NLK: variants seen among roughly 807,000 people sequenced by gnomAD.
The protein encoded by NLK is nemo like kinase.
In NLK, 11 loss-of-function variants were observed where a neutral mutation model predicts 59.0. The ratio of observed to expected loss-of-function variants is 0.19; its 90% confidence interval spans 0.12 to 0.31. The LOEUF (loss-of-function observed/expected upper bound fraction) is 0.31, where lower values mean the gene tolerates loss of function less well. Among genes scored for constraint, NLK ranks in the 10% least tolerant of loss-of-function variants. The pLI is 1.00. For missense variants in NLK, 410 were observed against 661.1 expected, an observed-to-expected ratio of 0.62 and a Z score of 4.16; for synonymous variants, 235 against 235.9, an observed-to-expected ratio of 1.00 and a Z score of 0.03.
chr17:28,190,540 C>G (rs978399653), intron 8 of NLK, among the ~76,000 whole-genome samples: 43 of 152,190 alleles, frequency 2.8e-4, no homozygotes, highest in South Asian at 6.2e-4. Context: ...TGTCTGCTGC[C>G]TAACTCCAGC....
chr17:28,158,933 T>C (rs1907893837), intron 3 of NLK, among the ~76,000 whole-genome samples: 1 of 152,238 alleles, frequency 6.6e-6, no homozygotes, highest in African/African-American at 2.4e-5. Context: ...TTTTCAGCAC[T>C]GTTACAGTCT....
chr17:28,073,396 C>T lies in NLK; in HGVS notation c.458+30065C>T, dbSNP rs34496375. 9.5e-3 allele frequency among the ~76,000 whole-genome samples: 1,444 copies of T among 152,286 alleles called. 21 individuals are homozygous for T. The highest frequency in any genetic ancestry group is 0.034 in the African/African-American group (1,392 of 41,544). On this transcript the variant is annotated intron_variant, in intron 1 of 10. Coordinates refer to ENST00000407008, the MANE Select transcript of NLK (RefSeq NM_016231.5). ...GCCCATTAAAACCTAGGCTTTTGTC[C>T]ACCGAGGATTGGCCAGTAACTCCAG...
the NLK span, among the ~76,000 whole-genome samples, chr17:28,203,489 C>G: frequency 6.6e-6 from 1 of 152,150 alleles, no homozygotes; most frequent in African/African-American, 2.4e-5. Context: ...TAGACCTTCC[C>G]TTTCCACTCC....
chr17:28,175,551 T>G (rs1237131800), intron 7 of NLK, among the ~76,000 whole-genome samples: 1 of 152,176 alleles, frequency 6.6e-6, no homozygotes, highest in African/African-American at 2.4e-5. Context: ...TTCAGACAGA[T>G]TGAGTATGAA....
At chr17:28,162,025 T>A (rs1296368656) in intron 4 of NLK, among the ~76,000 whole-genome samples, 1 of 147,668 alleles carries the variant, frequency 6.8e-6, no homozygotes, top group African/African-American at 2.7e-5. Context: ...ACATAAGCAA[T>A]TTTTTTTTCA....
At position 28,064,174 on chromosome 17, in the gene NLK, CTTTTTT is replaced by C. The variant is rs66949112; in HGVS notation, c.458+20863_458+20868del. On this transcript the variant is annotated intron_variant, in intron 1 of 10. Transcript: ENST00000407008. ...TTAGAGTCATCTTTAAGTTAGCAAACTTTTTTTTTTTTTTTTTTTTTTTTTAAAGAG... is the reference window on the plus strand; with the variant it reads ...TTAGAGTCATCTTTAAGTTAGCAAACTTTTTTTTTTTTTTTTTTTAAAGAG... Among the ~76,000 whole-genome samples the C allele has an allele frequency of 6.1e-4, 61 of 99,628 alleles. 1 individual carries two copies. In the Admixed American group the frequency reaches 6.3e-3, roughly 10 times the overall value. 65.4% of individuals were successfully genotyped at this position (99,628 alleles called of 152,430 possible).
At chr17:28,136,024 A>G (rs1465970266) in intron 3 of NLK, among the ~76,000 whole-genome samples, 1 of 152,242 alleles carries the variant, frequency 6.6e-6, no homozygotes, top group African/African-American at 2.4e-5. Context: ...TGTTGGTAGC[A>G]AATTTCAACC....
At chr17:28,089,912 G>GAGGGTTT (rs1567710972) in intron 1 of NLK, among the ~76,000 whole-genome samples, 1 of 151,966 alleles carries the variant, frequency 6.6e-6, no homozygotes, top group African/African-American at 2.4e-5. Flanking sequence ...ATTGAGCTTT[G>GAGGGTTT]AGGGTTTTCT....
At chr17:28,161,531 G>A (rs1407281703) in intron 4 of NLK, among the ~76,000 whole-genome samples, 2 of 152,210 alleles carry the variant, frequency 1.3e-5, no homozygotes, top group East Asian at 1.9e-4. Context: ...AGGTGAATAA[G>A]CAGGATGGTT....
intron 1 of NLK, among the ~76,000 whole-genome samples, chr17:28,092,764 T>C (rs1399799171): frequency 7.3e-6 from 1 of 137,698 alleles, no homozygotes; most frequent in Non-Finnish European, 1.5e-5. Context: ...TTTATTTTAT[T>C]TTATTTTATT....
At chr17:28,174,376 T>A (rs1240431922) in intron 7 of NLK, among the ~76,000 whole-genome samples, 10 of 152,124 alleles carry the variant, frequency 6.6e-5, no homozygotes, top group Non-Finnish European at 1.5e-5. Context: ...TATCACTGAG[T>A]TTAGTGATGA....
At chr17:28,154,541 C>T (rs1907620196) in intron 3 of NLK, among the ~76,000 whole-genome samples, 1 of 152,042 alleles carries the variant, frequency 6.6e-6, no homozygotes, top group African/African-American at 2.4e-5. Context: ...TGTAAACATC[C>T]AGTGGCAGGA....
chr17:28,045,807 A>G (rs1909031218), intron 1 of NLK, among the ~76,000 whole-genome samples: 2 of 152,150 alleles, frequency 1.3e-5, no homozygotes, highest in South Asian at 4.1e-4. Context: ...GAGGTTTTTT[A>G]CTTTTTAACT....
chr17:28,077,073 C>CTTTTTTTTTT (rs35639099), intron 1 of NLK, among the ~76,000 whole-genome samples: 292 of 42,366 alleles, frequency 6.9e-3, no homozygotes, highest in East Asian at 0.013. Context: ...CTCTTTCTTT[C>CTTTTTTTTTT]TTTTTTTTTT....
chr17:28,188,976 C>T (rs1034125717), intron 8 of NLK, among the ~76,000 whole-genome samples: 3 of 142,780 alleles, frequency 2.1e-5, no homozygotes, highest in Admixed American at 1.4e-4. Flanking sequence ...CACAGACAAA[C>T]ACAGACACAC....
rs976609422 is a variant in NLK, at chr17:28,060,398, A to G, written c.458+17067A>G. On this transcript the variant is annotated intron_variant, in intron 1 of 10. Transcript: ENST00000407008. ...AGAGGATATTAGCAATATATGTGAA[A>G]AATAAAAGTTAATATCTTTAATATT... Among the ~76,000 whole-genome samples, 7 of 152,196 alleles carry G rather than the reference A, an allele frequency of 4.6e-5. No individual in the cohort carries two copies. The South Asian group carries it at 1.2e-3, about 27-fold the overall frequency.
intron 1 of NLK, among the ~76,000 whole-genome samples, chr17:28,051,451 C>G (rs936852207): frequency 6.6e-6 from 1 of 151,784 alleles, no homozygotes; most frequent in African/African-American, 2.4e-5. Flanking sequence ...CTCCACCTCC[C>G]AGGTTCAAGG....
intron 1 of NLK, among the ~76,000 whole-genome samples, chr17:28,100,604 C>G (rs1385275865): frequency 1.3e-5 from 2 of 152,170 alleles, no homozygotes; most frequent in African/African-American, 4.8e-5. Flanking sequence ...ATTCTGGATA[C>G]AAGCCCTTTG....
rs545362290 is a variant in NLK, at chr17:28,195,386, C to G, written c.*750C>G. 6.6e-6 allele frequency: 1 copy of G among 151,804 alleles called. No individual in the cohort carries two copies. The highest frequency in any genetic ancestry group is 1.5e-5 in the Non-Finnish European group (1 of 67,914). 9.4% of individuals were successfully genotyped at this position (151,804 alleles called of 1,614,324 possible). ...TGCTCTTTCTTACATAAAAGAACCC[C>G]AAGCATGCATCTTTCATGTGTGTAA... is the stretch of plus-strand genomic sequence containing the variant. On this transcript the variant is annotated 3_prime_UTR_variant, in exon 11 of 11. Transcript: ENST00000407008.
Sources: gnomAD v4.1 joint callset for allele counts (sites outside exome capture counted in the v4.1 genomes callset) on GRCh38, gnomAD v4.1.1 for gene constraint, MANE v1.5 for transcripts, NCBI Gene and HGNC (gene_info 2026-07-23, HGNC 2026-07-21) for gene names.